MYO10: variants seen among roughly 807,000 people sequenced by gnomAD.
The protein encoded by MYO10 is unconventional myosin-X.
MYO10 carries 133 observed loss-of-function variants against 257.3 expected under a neutral mutation model. The observed-to-expected ratio is 0.52, with a 90% CI of 0.45 to 0.60. The LOEUF (loss-of-function observed/expected upper bound fraction) is 0.60, where lower values mean the gene tolerates loss of function less well. Ranked by LOEUF, MYO10 falls within the 20% of genes least tolerant of loss-of-function variation. MYO10 has a pLI of 0.00. For synonymous variants in MYO10, 1,104 were observed against 1,028.6 expected, an observed-to-expected ratio of 1.07 and a Z score of -1.40; for missense variants, 2,399 against 2,635.7, an observed-to-expected ratio of 0.91 and a Z score of 1.97.
intron 1 of MYO10, among the ~76,000 whole-genome samples, chr5:16,918,084 T>C (rs997525237): frequency 3.9e-5 from 6 of 152,236 alleles, no homozygotes; most frequent in African/African-American, 9.6e-5. Context: ...CTGGTTTAAA[T>C]GTAAACCATC....
chr5:16,738,235 C>A (rs990742459), intron 19 of MYO10: 4 of 985,144 alleles, frequency 4.1e-6, no homozygotes, highest in East Asian at 1.1e-4. Flanking sequence ...TCCAGAGGAA[C>A]CAGTCAAGAG....
intron 1 of MYO10, among the ~76,000 whole-genome samples, chr5:16,890,262 G>A (rs191871419): frequency 1.3e-5 from 2 of 151,944 alleles, no homozygotes; most frequent in African/African-American, 2.4e-5. Flanking sequence ...GGAGAAACTA[G>A]AACCCTCGTG....
intron 2 of MYO10, among the ~76,000 whole-genome samples, chr5:16,842,926 GAA>G (rs36097603): frequency 1.5e-4 from 19 of 125,440 alleles, no homozygotes; most frequent in African/African-American, 3.8e-4. Context: ...AAAGAAAAAG[GAA>G]AAAAAAAAAA....
chr5:16,696,373 C>T (rs1339232750), intron 26 of MYO10, among the ~76,000 whole-genome samples: 7 of 152,148 alleles, frequency 4.6e-5, no homozygotes, highest in African/African-American at 9.6e-5. Flanking sequence ...TTCATTCATT[C>T]GTTGCTCTGA....
intron 2 of MYO10, among the ~76,000 whole-genome samples, chr5:16,842,084 A>G (rs931611638): frequency 6.6e-6 from 1 of 152,194 alleles, no homozygotes; most frequent in Non-Finnish European, 1.5e-5. Flanking sequence ...TCTTGGTTTC[A>G]TAGTATAAAG....
intron 1 of MYO10, among the ~76,000 whole-genome samples, chr5:16,924,444 C>A (rs1026927189): frequency 4.6e-5 from 7 of 152,172 alleles, no homozygotes; most frequent in Non-Finnish European, 1.0e-4. Context: ...CAGCTGCCAG[C>A]TGCACTGACA....
At chr5:16,698,804 T>C (rs1579850815) in intron 26 of MYO10, among the ~76,000 whole-genome samples, 2 of 149,348 alleles carry the variant, frequency 1.3e-5, no homozygotes, top group African/African-American at 5.1e-5. Context: ...TTTGTATTTT[T>C]AGTAGAGACG....
chr5:16,788,539 G>A (rs537656124), intron 4 of MYO10, among the ~76,000 whole-genome samples: 1 of 152,230 alleles, frequency 6.6e-6, no homozygotes, highest in South Asian at 2.1e-4. Flanking sequence ...CAAGTTTCTG[G>A]GAGAAGATGA....
intron 3 of MYO10, 107 bp from the exon 4 acceptor site, chr5:16,794,940 C>T: frequency 1.2e-6 from 1 of 860,330 alleles, no homozygotes; most frequent in Non-Finnish European, 1.6e-6. Context: ...CGTCTTCTGT[C>T]TCCCGGGTGC....
intron 1 of MYO10, among the ~76,000 whole-genome samples, chr5:16,914,373 C>G (rs1184879476): frequency 6.6e-6 from 1 of 152,164 alleles, no homozygotes; most frequent in Non-Finnish European, 1.5e-5. Flanking sequence ...CACTAAGAAG[C>G]CTGCAAGCCC....
intron 33 of MYO10, 79 bp downstream of exon 33, chr5:16,679,868 T>G: frequency 2.0e-6 from 3 of 1,519,268 alleles, no homozygotes; most frequent in Non-Finnish European, 2.7e-6. Context: ...TGAGCTTCAC[T>G]AATGCTGAGG....
At chr5:16,881,648 G>A (rs757996763) in intron 1 of MYO10, among the ~76,000 whole-genome samples, 3 of 152,268 alleles carry the variant, frequency 2.0e-5, no homozygotes, top group South Asian at 2.1e-4. Flanking sequence ...TCATAGAATC[G>A]GAATTGCAAA....
chr5:16,807,071 A>C (rs1167296841), intron 3 of MYO10, among the ~76,000 whole-genome samples: 2 of 152,228 alleles, frequency 1.3e-5, no homozygotes, highest in Non-Finnish European at 2.9e-5. Context: ...TGGCAGCTAA[A>C]GGGAAGAGTT....
At chr5:16,688,797 C>A (rs1166026459) in intron 28 of MYO10, among the ~76,000 whole-genome samples, 2 of 151,762 alleles carry the variant, frequency 1.3e-5, no homozygotes, top group African/African-American at 4.8e-5. Context: ...ACACCTCCAG[C>A]ATAACCCTGC....
At chr5:16,795,246 G>A (rs1401849828) in intron 3 of MYO10, among the ~76,000 whole-genome samples, 1 of 152,224 alleles carries the variant, frequency 6.6e-6, no homozygotes, top group Non-Finnish European at 1.5e-5. Context: ...GGTAGCCAGG[G>A]GTTGGGGGAG....
intron 10 of MYO10, among the ~76,000 whole-genome samples, chr5:16,767,160 C>T (rs1043908134): frequency 1.3e-5 from 2 of 148,658 alleles, no homozygotes; most frequent in African/African-American, 5.0e-5. Flanking sequence ...TATGACAACC[C>T]AACTGTCTTT....
Position 16,701,053 on chromosome 5 carries a change from G to C in MYO10, c.3342C>G (p.Gly1114=). ...GSSVTFSNSY[G]SQWSPDYRCS... ...AGCGGTAGTCGGGGGACCACTGGCTGCCGTAGGAGTTGGAGAAGGTCACGC... is the reference window on the plus strand; with the variant it reads ...AGCGGTAGTCGGGGGACCACTGGCTCCCGTAGGAGTTGGAGAAGGTCACGC... Residue 1114 remains glycine, a synonymous_variant, in exon 25 of 41, where the codon GGC becomes GGG. Coordinates refer to ENST00000513610, the MANE Select transcript of MYO10 (RefSeq NM_012334.3). The surrounding 1 kb of genome is among the most constrained non-coding windows in gnomAD (Gnocchi z 8.1). 6.4e-7 allele frequency: 1 copy of C among 1,567,390 alleles called. No homozygotes were observed. Among genetic ancestry groups the C allele is most frequent in the South Asian group, 1.2e-5 (1 of 85,030 alleles).
intron 19 of MYO10, among the ~76,000 whole-genome samples, chr5:16,750,149 G>A (rs1230024765): frequency 6.6e-6 from 1 of 152,098 alleles, no homozygotes; most frequent in African/African-American, 2.4e-5. Flanking sequence ...TTCAGAGGAG[G>A]GTAACATCCA....
chr5:16,829,273 G>A (rs1377265086), intron 2 of MYO10, among the ~76,000 whole-genome samples: 1 of 152,204 alleles, frequency 6.6e-6, no homozygotes, highest in Non-Finnish European at 1.5e-5. Flanking sequence ...TGAAGGACAT[G>A]AAAGGCACAT....
Sources: allele counts gnomAD v4.1 joint callset (sites outside exome capture counted in the v4.1 genomes callset), GRCh38; gene constraint gnomAD v4.1.1; non-coding constraint Gnocchi (gnomAD v3.1); transcripts MANE v1.5; gene names NCBI Gene and HGNC (gene_info 2026-07-23, HGNC 2026-07-21).